The following FBXO21 variants were observed in gnomAD, a reference collection of about 807,000 sequenced individuals.
FBXO21 encodes F-box protein 21.
Under a neutral mutation model 76.6 loss-of-function variants are expected in FBXO21, and 32 were observed. That is an observed-to-expected ratio of 0.42 (90% CI 0.32 to 0.56). The LOEUF (loss-of-function observed/expected upper bound fraction) is 0.56, where lower values mean the gene tolerates loss of function less well. Ranked by LOEUF, FBXO21 falls within the 20% of genes least tolerant of loss-of-function variation. The pLI is 0.16. For synonymous variants in FBXO21, 328 were observed against 311.5 expected, an observed-to-expected ratio of 1.05 and a Z score of -0.56; for missense variants, 586 against 797.3, an observed-to-expected ratio of 0.73 and a Z score of 3.19.
chr12:117,186,319 G>T (rs1956283373), intron 3 of FBXO21, among the ~76,000 whole-genome samples, 158 bp downstream of exon 3: 1 of 152,140 alleles, frequency 6.6e-6, no homozygotes, highest in East Asian at 1.9e-4. Context: ...TTGTCTTGGT[G>T]TATCTACCTA....
At chr12:117,169,293 T>C (rs1956092942) in intron 7 of FBXO21, among the ~76,000 whole-genome samples, 1 of 151,792 alleles carries the variant, frequency 6.6e-6, no homozygotes, top group Admixed American at 6.6e-5. Flanking sequence ...GGACCCAGAG[T>C]GGAACAATAC....
intron 9 of FBXO21, 96 bp downstream of exon 9, chr12:117,165,389 C>T (rs2135863476): frequency 2.4e-6 from 3 of 1,224,490 alleles, no homozygotes; most frequent in South Asian, 1.7e-5. Flanking sequence ...GTGTTTATTC[C>T]CCATGTTAAC....
intron 3 of FBXO21, among the ~76,000 whole-genome samples, chr12:117,185,608 G>A: frequency 6.6e-6 from 1 of 152,144 alleles, no homozygotes; most frequent in East Asian, 1.9e-4. Context: ...CAAGACATAA[G>A]GGGTTCTTCT....
At chr12:117,177,440 C>A in intron 4 of FBXO21, 80 bp downstream of exon 4, 1 of 1,434,254 alleles carries the variant, frequency 7.0e-7, no homozygotes, top group Non-Finnish European at 9.5e-7. Context: ...ACAAGGAACA[C>A]AATTCCCTCT....
At chr12:117,164,475 T>C (rs1221586911) in intron 9 of FBXO21, among the ~76,000 whole-genome samples, 2 of 151,984 alleles carry the variant, frequency 1.3e-5, no homozygotes, top group Admixed American at 1.3e-4. Flanking sequence ...GGGATTTCAC[T>C]ATGTTGGCCA....
Position 117,145,459 on chromosome 12 carries a change from A to AT in FBXO21, c.*627_*628insA. 1.0e-5 allele frequency: 1 copy of AT among 100,000 alleles called. No individual in the cohort carries two copies. The highest frequency in any genetic ancestry group is 4.6e-4 in the South Asian group (1 of 2,156). The allele number at this position is 100,000 out of a possible 1,614,324, so 6.2% of individuals were successfully genotyped here. A position where few individuals can be genotyped will look rare whatever the true frequency, so the allele number is the denominator to read the frequency against. ...CTGTGTTATATTCCCATTTAAATTT[A>AT]AAAAAAAAAGATAAAACACTTGAAA... On this transcript the variant is annotated 3_prime_UTR_variant, in exon 12 of 12. Transcript: ENST00000622495.
At chr12:117,179,309 C>T (rs1043062654) in intron 3 of FBXO21, among the ~76,000 whole-genome samples, 1 of 152,244 alleles carries the variant, frequency 6.6e-6, no homozygotes, top group African/African-American at 2.4e-5. Context: ...CCGGGGCCCC[C>T]CGCAACAATA....
chr12:117,167,106 A>G (rs534538051), intron 7 of FBXO21, 29 bp from the exon 8 acceptor site: 121 of 1,576,568 alleles, frequency 7.7e-5, no homozygotes, highest in Middle Eastern at 1.7e-4. Flanking sequence ...ATCAGATGAG[A>G]GCTGAACAAC....
At chr12:117,146,586 C>T (rs1955772760) in intron 11 of FBXO21, among the ~76,000 whole-genome samples, 1 of 152,214 alleles carries the variant, frequency 6.6e-6, no homozygotes, top group African/African-American at 2.4e-5. Context: ...AAACTAGAGA[C>T]TCAACAGGTC....
intron 3 of FBXO21, among the ~76,000 whole-genome samples, chr12:117,178,597 C>T (rs1205645660): frequency 6.6e-6 from 1 of 152,198 alleles, no homozygotes; most frequent in East Asian, 1.9e-4. Flanking sequence ...TCCTGCCACT[C>T]CCCCTCAGTC....
intron 3 of FBXO21, among the ~76,000 whole-genome samples, chr12:117,178,810 C>T (rs1009772950): frequency 7.2e-5 from 11 of 152,058 alleles, no homozygotes; most frequent in African/African-American, 2.4e-4. Flanking sequence ...CCTTCTTCCC[C>T]GATTATATTT....
In FBXO21 at chr12:117,145,949, G is replaced by A; in HGVS notation, c.*138C>T. The A allele has an allele frequency of 1.7e-6, 1 of 602,648 alleles. No individual in the cohort carries two copies. The highest frequency in any genetic ancestry group is 2.8e-6 in the Non-Finnish European group (1 of 354,176). The allele number at this position is 602,648 out of a possible 1,614,324, so 37.3% of individuals were successfully genotyped here. On this transcript the variant is annotated 3_prime_UTR_variant, in exon 12 of 12. Transcript: ENST00000622495. ...GAGCACACGGTATTTAAACTTAGTA[G>A]GAGGCAACCAGCACTACTGGTGGAG...
Position 117,147,539 on chromosome 12 carries a change from A to G in FBXO21, c.1676-1262T>C, listed in dbSNP as rs568047772. Among the ~76,000 whole-genome samples, 350 of 144,932 alleles carry G rather than the reference A, an allele frequency of 2.4e-3. 3 individuals carry two copies. Among genetic ancestry groups the G allele is most frequent in the African/African-American group, 8.6e-3 (336 of 38,898 alleles). On this transcript the variant is annotated intron_variant, in intron 11 of 11. Coordinates refer to ENST00000622495, the MANE Select transcript of FBXO21 (RefSeq NM_015002.3). ...CTTGAACCTGGGAGGCGGAGGTTGC[A>G]GTGAGCCAAGATCACACCACTGCAC...
chr12:117,187,573 A>G (rs1480835267), intron 2 of FBXO21, among the ~76,000 whole-genome samples: 2 of 152,096 alleles, frequency 1.3e-5, no homozygotes, highest in Non-Finnish European at 2.9e-5. Context: ...CAAAGCAATC[A>G]CCCACCCACA....
chr12:117,166,851 A>G (rs1358865963), intron 8 of FBXO21, 47 bp downstream of exon 8: 3 of 1,546,090 alleles, frequency 1.9e-6, no homozygotes, highest in East Asian at 2.3e-5. Flanking sequence ...TCAAGCCTCT[A>G]AAGACATGTG....
intron 4 of FBXO21, 84 bp from the exon 5 acceptor site, chr12:117,174,881 A>G: frequency 1.4e-6 from 2 of 1,424,270 alleles, no homozygotes; most frequent in Non-Finnish European, 1.9e-6. Flanking sequence ...ACATCCTGGG[A>G]CATGGCTCTT....
chr12:117,174,621 A>T lies in FBXO21; in HGVS notation c.739+30T>A, dbSNP rs182420098. ...CAATTCCTCTAGATTTTCTTTCATA[A>T]ATACAGCTGGATCCAAAGCAATGCC... is the stretch of plus-strand genomic sequence containing the variant. On this transcript the variant is annotated intron_variant, in intron 5 of 11. Coordinates refer to ENST00000622495, the MANE Select transcript of FBXO21 (RefSeq NM_015002.3). 1.9e-6 allele frequency: 3 copies of T among 1,604,094 alleles called. No homozygotes were observed. The Admixed American group carries it at 5.2e-5, about 28-fold the overall frequency.
In FBXO21 at chr12:117,157,929, G is replaced by A. The variant is rs374660855; in HGVS notation, c.1461C>T (p.Ser487=). 102 of 1,613,728 alleles carry A rather than the reference G, an allele frequency of 6.3e-5. No homozygotes were observed. Among genetic ancestry groups the A allele is most frequent in the Admixed American group, 3.5e-4 (21 of 59,948 alleles). Residue 487 remains serine (S), a synonymous_variant, in exon 10 of 12, where the codon TCC becomes TCT. Transcript: ENST00000622495. ...EEVGVEVKLR[S]DEKHRDVCYS... Reference sequence around the variant, plus strand: ...AGCAGACATCTCTGTGCTTCTCATCGGAGCGCAGCTTCACCTCTACGCCCA... The same window carrying A: ...AGCAGACATCTCTGTGCTTCTCATCAGAGCGCAGCTTCACCTCTACGCCCA...
intron 3 of FBXO21, among the ~76,000 whole-genome samples, chr12:117,180,525 T>C (rs751991694): frequency 8.5e-5 from 13 of 152,218 alleles, no homozygotes; most frequent in Non-Finnish European, 1.9e-4. Flanking sequence ...ATATCACAGG[T>C]GGTAAAATTA....
Sources: allele counts gnomAD v4.1 joint callset (sites outside exome capture counted in the v4.1 genomes callset), GRCh38; gene constraint gnomAD v4.1.1; transcripts MANE v1.5; gene names NCBI Gene and HGNC (gene_info 2026-07-23, HGNC 2026-07-21).